ABCA9: variants seen among roughly 807,000 people sequenced by gnomAD.
The protein encoded by ABCA9 is ATP binding cassette subfamily A member 9.
ABCA9 carries 183 observed loss-of-function variants against 205.3 expected under a neutral mutation model. That is an observed-to-expected ratio of 0.89 (90% confidence interval 0.79 to 1.01). The LOEUF (loss-of-function observed/expected upper bound fraction) is 1.01, where lower values mean the gene tolerates loss of function less well. Ranked by LOEUF, ABCA9 falls within the 50% of genes least tolerant of loss-of-function variation. The pLI is 0.00. For synonymous variants in ABCA9, 651 were observed against 683.3 expected (o/e 0.95, Z 0.74); for missense variants, 1,805 against 1,912.4 (o/e 0.94, Z 1.05).
At chr17:68,984,763 T>C in intron 34 of ABCA9, 122 bp downstream of exon 34, 1 of 1,292,156 alleles carries the variant, frequency 7.7e-7, no homozygotes, top group Non-Finnish European at 1.1e-6. Flanking sequence ...ATAATTTTTT[T>C]TCCTAAAATA....
intron 36 of ABCA9, among the ~76,000 whole-genome samples, chr17:68,982,849 C>G (rs892786394): frequency 7.2e-5 from 11 of 152,034 alleles, no homozygotes; most frequent in Non-Finnish European, 1.5e-4. Context: ...CACAAAAAAA[C>G]TTAAAAATTA....
At chr17:68,984,016 A>G in intron 35 of ABCA9, 40 bp downstream of exon 35, 3 of 1,612,752 alleles carry the variant, frequency 1.9e-6, no homozygotes, top group Non-Finnish European at 2.5e-6. Context: ...CTCACAGCAC[A>G]CAACCTAGGG....
At chr17:69,058,279 C>T (rs1429574241) in intron 1 of ABCA9, among the ~76,000 whole-genome samples, 2 of 151,954 alleles carry the variant, frequency 1.3e-5, no homozygotes, top group Admixed American at 6.6e-5. Context: ...TGCTATTGCC[C>T]CTTCAATGGT....
rs769198846 is a variant in ABCA9 at position 69,016,357 on chromosome 17, G to A, written c.2935C>T (p.Arg979Trp). 2.6e-5 allele frequency: 42 copies of A among 1,600,924 alleles called. No individual in the cohort carries two copies. The highest frequency in any genetic ancestry group is 1.2e-4 in the African/African-American group (9 of 73,908). The stretch of plus-strand genomic sequence containing the variant: ...AGGAGGACAGGAAAGCAATTCAGCC[G>A]TTTTGTATTACATGCTATTGAAAAT... ...HRFSIACNTKRLNCFPVLLDV... is the reference protein window; with the variant it reads ...HRFSIACNTKWLNCFPVLLDV... The change falls in exon 22 of 39, where the codon CGG becomes TGG. Residue 979 changes from arginine to tryptophan, a missense_variant. Coordinates refer to ENST00000340001, the MANE Select transcript of ABCA9 (RefSeq NM_080283.4).
chr17:69,005,186 G>C (rs2070081742), intron 25 of ABCA9, among the ~76,000 whole-genome samples: 1 of 152,170 alleles, frequency 6.6e-6, no homozygotes, highest in Non-Finnish European at 1.5e-5. Flanking sequence ...TTTTGATGTA[G>C]GGCCTTGCTT....
At chr17:68,997,907 C>G (rs1485343294) in intron 25 of ABCA9, among the ~76,000 whole-genome samples, 2 of 152,156 alleles carry the variant, frequency 1.3e-5, no homozygotes, top group African/African-American at 4.8e-5. Context: ...TAGTATCATA[C>G]AGGCCTAAAA....
chr17:68,983,269 C>T (rs1195060365), intron 36 of ABCA9, among the ~76,000 whole-genome samples: 2 of 152,166 alleles, frequency 1.3e-5, no homozygotes, highest in African/African-American at 2.4e-5. Context: ...CTAGATTCTA[C>T]TCCTGTCTCC....
the ABCA9 span, among the ~76,000 whole-genome samples, chr17:69,074,258 A>G: frequency 6.6e-6 from 1 of 152,044 alleles, no homozygotes; most frequent in African/African-American, 2.4e-5. Context: ...TATTTTTATA[A>G]TTTCAACTTT....
Position 69,033,797 on chromosome 17 carries a change from G to A in ABCA9, c.1205C>T (p.Thr402Ile). ...SSQNPYLIIATLFMLVFDTLL... is the reference protein window; with the variant it reads ...SSQNPYLIIAILFMLVFDTLL... Reference sequence around the variant, plus strand: ...GGTGTCAAAAACCAACATGAAAAGAGTAGCTATTATGAGGTATGGATTTTG... The same window carrying A: ...GGTGTCAAAAACCAACATGAAAAGAATAGCTATTATGAGGTATGGATTTTG... Residue 402 changes from threonine (T) to isoleucine (I), a missense_variant, in exon 9 of 39, where the codon ACT (threonine) becomes ATT (isoleucine). Coordinates refer to ENST00000340001, the MANE Select transcript of ABCA9 (RefSeq NM_080283.4). The A allele has an allele frequency of 1.2e-6, 2 of 1,610,138 alleles. No homozygotes were observed. Among genetic ancestry groups the A allele is most frequent in the South Asian group, 1.1e-5 (1 of 90,840 alleles).
the ABCA9 span, among the ~76,000 whole-genome samples, chr17:69,073,904 G>A: frequency 6.6e-6 from 1 of 151,896 alleles, no homozygotes; most frequent in Non-Finnish European, 1.5e-5. Flanking sequence ...GTCTTGCTAT[G>A]TTGCCCAGGA....
intron 25 of ABCA9, among the ~76,000 whole-genome samples, chr17:68,996,365 T>G (rs1459500522): frequency 6.6e-6 from 1 of 152,256 alleles, no homozygotes; most frequent in Non-Finnish European, 1.5e-5. Flanking sequence ...CTTTTAGGCT[T>G]AGGCAAACCA....
chr17:69,001,094 A>G (rs1371328762), intron 25 of ABCA9, among the ~76,000 whole-genome samples: 1 of 151,918 alleles, frequency 6.6e-6, no homozygotes, highest in Non-Finnish European at 1.5e-5. Context: ...CTCTTTTCCT[A>G]ACTGAATACC....
intron 26 of ABCA9, among the ~76,000 whole-genome samples, chr17:68,994,379 G>C (rs1466895411): frequency 6.6e-6 from 1 of 151,762 alleles, no homozygotes; most frequent in Non-Finnish European, 1.5e-5. Context: ...TCTTTTCTTT[G>C]TCAAATTTGC....
At chr17:69,051,219 CAT>C in intron 1 of ABCA9, 80 bp from the exon 2 acceptor site, 1 of 1,279,794 alleles carries the variant, frequency 7.8e-7, no homozygotes, top group Non-Finnish European at 1.1e-6. Context: ...ATAAAAGAAA[CAT>C]TGTAACAGCT....
At position 68,995,977 on chromosome 17, in the gene ABCA9, T is replaced by A. The variant is rs1358798925; in HGVS notation, c.3473A>T (p.Glu1158Val). 6.2e-7 allele frequency: 1 copy of A among 1,613,772 alleles called. No homozygotes were observed. The highest frequency in any genetic ancestry group is 8.5e-7 in the Non-Finnish European group (1 of 1,179,912). ...IFSIVATDLN[E>V]YGFLGLFFGT... ...AAAAAATAGCCCTAGAAATCCATAT[T>A]CATTTAGATCAGTAGCAACTATCGA... The change falls in exon 26 of 39, where the codon GAA (glutamate) becomes GTA (valine). Residue 1158 changes from glutamate to valine, a missense_variant. Glu to Val is a moderately radical substitution (Grantham distance 121, BLOSUM62 -2). Coordinates refer to ENST00000340001, the MANE Select transcript of ABCA9 (RefSeq NM_080283.4).
At chr17:69,077,432 C>T in the ABCA9 span, among the ~76,000 whole-genome samples, 1 of 152,004 alleles carries the variant, frequency 6.6e-6, no homozygotes, top group African/African-American at 2.4e-5. Context: ...GAGCATGTGG[C>T]CAATCTTGGA....
At chr17:68,986,067 G>A in intron 32 of ABCA9, 97 bp downstream of exon 32, 1 of 1,254,336 alleles carries the variant, frequency 8.0e-7, no homozygotes, top group East Asian at 2.6e-5. Flanking sequence ...CACAAGCATG[G>A]GGTCATCAAT....
chr17:69,035,295 C>T lies in ABCA9; in HGVS notation c.1079G>A (p.Trp360Ter). Residue 360 changes from tryptophan (W) to a stop codon, truncating the protein, a stop_gained, in exon 8 of 39, where the codon TGG (tryptophan) becomes TAG (stop). Coordinates refer to ENST00000340001, the MANE Select transcript of ABCA9 (RefSeq NM_080283.4). LOFTEE classifies it high-confidence loss of function. ...AAAGGGGCTAAGAAGACACAAAGTC[C>T]ATTCCAAAAATGCAGGAAGACGTGT... ...LYTRLPAFLE[W>*]TLCLLSPFAF... 1 of 1,606,226 alleles carries T rather than the reference C, an allele frequency of 6.2e-7. No homozygotes were observed. The highest frequency in any genetic ancestry group is 1.1e-5 in the South Asian group (1 of 89,634).
intron 34 of ABCA9, among the ~76,000 whole-genome samples, 180 bp downstream of exon 34, chr17:68,984,705 A>G (rs2069171483): frequency 6.6e-6 from 1 of 152,254 alleles, no homozygotes; most frequent in South Asian, 2.1e-4. Context: ...AGGGTGAGAT[A>G]ATATAGCTTT....
Sources: gnomAD v4.1 joint callset for allele counts (sites outside exome capture counted in the v4.1 genomes callset) on GRCh38, gnomAD v4.1.1 for gene constraint, MANE v1.5 for transcripts, NCBI Gene and HGNC (gene_info 2026-07-23, HGNC 2026-07-21) for gene names.